Variants in ASPH observed in about 807,000 individuals in gnomAD.
ASPH encodes the protein aspartate beta-hydroxylase, also known as aspartyl/asparaginyl beta-hydroxylase.
In ASPH, 100 loss-of-function variants were observed where a neutral mutation model predicts 118.4. The observed-to-expected ratio is 0.84, with a 90% CI of 0.72 to 1.00. ASPH has a LOEUF of 1.00. Ranked by LOEUF, ASPH falls within the 50% of genes least tolerant of loss-of-function variation. The pLI is 0.00. For synonymous variants in ASPH, 315 were observed against 325.6 expected, an observed-to-expected ratio of 0.97 and a Z score of 0.35; for missense variants, 920 against 919.5, an observed-to-expected ratio of 1.00 and a Z score of -0.01.
intron 13 of ASPH, chr8:61,625,646 A>T (rs79051664): frequency 3.5e-6 from 3 of 862,428 alleles, no homozygotes; most frequent in South Asian, 5.0e-5. Flanking sequence ...GAAATATTAA[A>T]TTTTTCTAAT....
At chr8:61,567,032 G>T (rs976750218) in intron 17 of ASPH, 136 bp downstream of exon 17, 27 of 1,083,294 alleles carry the variant, frequency 2.5e-5, no homozygotes, top group Non-Finnish European at 3.4e-5. Flanking sequence ...GCCTAGGACA[G>T]ACACATTACT....
chr8:61,683,893 T>C (rs1044967470), intron 2 of ASPH, 146 bp downstream of exon 2: 9 of 927,960 alleles, frequency 9.7e-6, no homozygotes, highest in African/African-American at 1.6e-5. Flanking sequence ...ACCTTCTTCA[T>C]ATCCCCTTTC....
At chr8:61,609,135 C>T (rs547480352) in intron 14 of ASPH, among the ~76,000 whole-genome samples, 1 of 152,206 alleles carries the variant, frequency 6.6e-6, no homozygotes, top group East Asian at 1.9e-4. Flanking sequence ...TGGCACTGAG[C>T]TCATGCCCTG....
chr8:61,556,077 A>G, intron 18 of ASPH, 55 bp from the exon 19 acceptor site: 1 of 1,498,174 alleles, frequency 6.7e-7, no homozygotes, highest in African/African-American at 1.4e-5. Context: ...GTGATTGCTT[A>G]GAAAATTCTA....
intron 14 of ASPH, among the ~76,000 whole-genome samples, chr8:61,604,034 G>T (rs926564643): frequency 6.6e-6 from 1 of 152,194 alleles, no homozygotes. Flanking sequence ...TAAAGTACAG[G>T]GACATGGATA....
chr8:61,682,237 A>G (rs1045201806), intron 2 of ASPH, among the ~76,000 whole-genome samples: 1 of 152,078 alleles, frequency 6.6e-6, no homozygotes, highest in African/African-American at 2.4e-5. Context: ...AAGAAAACAA[A>G]AAGTACTAAT....
chr8:61,514,432 G>T (rs1012896677), intron 24 of ASPH, among the ~76,000 whole-genome samples: 1 of 151,974 alleles, frequency 6.6e-6, no homozygotes, highest in African/African-American at 2.4e-5. Flanking sequence ...TTGTTTCTGT[G>T]GCTGAGCGTG....
chr8:61,595,603 A>G (rs1004823728), intron 14 of ASPH, among the ~76,000 whole-genome samples: 1 of 152,248 alleles, frequency 6.6e-6, no homozygotes, highest in Non-Finnish European at 1.5e-5. Flanking sequence ...GAGAAACTGT[A>G]TATCAGGTAA....
chr8:61,597,973 C>G (rs1170024588), intron 14 of ASPH, among the ~76,000 whole-genome samples: 2 of 152,064 alleles, frequency 1.3e-5, no homozygotes, highest in Admixed American at 1.3e-4. Context: ...GTAGAGCAGA[C>G]AGACAAATGA....
intron 5 of ASPH, 90 bp from the exon 6 acceptor site, chr8:61,646,968 T>A: frequency 6.5e-7 from 1 of 1,546,338 alleles, no homozygotes; most frequent in Non-Finnish European, 8.8e-7. Flanking sequence ...CTCCTGCTGC[T>A]GGGGCTTCCC....
intron 2 of ASPH, among the ~76,000 whole-genome samples, chr8:61,682,275 G>GA (rs998636084): frequency 6.6e-6 from 1 of 152,008 alleles, no homozygotes; most frequent in Non-Finnish European, 1.5e-5. Flanking sequence ...CAGAATTCAA[G>GA]AAACAGTAAA....
At chr8:61,685,277 CA>C (rs1205238003) in intron 1 of ASPH, among the ~76,000 whole-genome samples, 1 of 151,828 alleles carries the variant, frequency 6.6e-6, no homozygotes, top group East Asian at 1.9e-4. Flanking sequence ...AGGCTTATGA[CA>C]AAAAAAACAT....
intron 21 of ASPH, among the ~76,000 whole-genome samples, chr8:61,530,694 T>C (rs1011744650): frequency 5.3e-5 from 8 of 152,242 alleles, no homozygotes; most frequent in Non-Finnish European, 8.8e-5. Flanking sequence ...TTCTTACTAA[T>C]GTTTTTGTTC....
At position 61,638,393 on chromosome 8, in the gene ASPH, C is replaced by T. The variant is rs767582965; in HGVS notation, c.791-30G>A. 2.3e-5 allele frequency: 35 copies of T among 1,525,928 alleles called. No homozygotes were observed. The African/African-American group carries it at 3.5e-4, about 15-fold the overall frequency. 94.5% of individuals were successfully genotyped at this position (1,525,928 alleles called of 1,614,324 possible). On this transcript the variant is annotated intron_variant, in intron 10 of 24. Transcript: ENST00000379454. Reference sequence around the variant, plus strand: ...AAAAAAAAAAACAGAAACAAAATCCCGTAACTTTCATTGTAACACAAAAAC... The same window carrying T: ...AAAAAAAAAAACAGAAACAAAATCCTGTAACTTTCATTGTAACACAAAAAC...
intron 1 of ASPH, among the ~76,000 whole-genome samples, chr8:61,708,223 A>C (rs1837191862): frequency 6.6e-6 from 1 of 152,218 alleles, no homozygotes; most frequent in African/African-American, 2.4e-5. Context: ...AGAGCAATAC[A>C]CAGAAATATT....
intron 21 of ASPH, among the ~76,000 whole-genome samples, chr8:61,545,590 C>T (rs1427634162): frequency 2.0e-5 from 3 of 152,282 alleles, no homozygotes; most frequent in African/African-American, 7.2e-5. Flanking sequence ...ATTTTCACAG[C>T]AGTTAAACCA....
intron 2 of ASPH, chr8:61,682,351 G>T: frequency 7.4e-7 from 1 of 1,359,176 alleles, no homozygotes; most frequent in Non-Finnish European, 1.0e-6. Context: ...CTTATATTCT[G>T]ATGTAGATAA....
intron 3 of ASPH, chr8:61,661,487 T>A (rs1321218646): frequency 6.5e-6 from 1 of 153,166 alleles, no homozygotes; most frequent in Non-Finnish European, 1.5e-5. Flanking sequence ...TACAATGGAA[T>A]ATTCTGAGCA....
intron 14 of ASPH, among the ~76,000 whole-genome samples, chr8:61,612,665 C>A: frequency 6.6e-6 from 1 of 152,052 alleles, no homozygotes; most frequent in Non-Finnish European, 1.5e-5. Context: ...AGCCATCATG[C>A]CCAGACTAAA....
Sources: gnomAD v4.1 joint callset for allele counts (sites outside exome capture counted in the v4.1 genomes callset) on GRCh38, gnomAD v4.1.1 for gene constraint, MANE v1.5 for transcripts, NCBI Gene and HGNC (gene_info 2026-07-23, HGNC 2026-07-21) for gene names.